The following SLC25A47 variants were observed in gnomAD, a reference collection of about 807,000 sequenced individuals.
The protein encoded by SLC25A47 is solute carrier family 25 member 47.
A neutral mutation model predicts 29.8 loss-of-function variants in SLC25A47; 30 were observed. That is an observed-to-expected ratio of 1.01 (90% CI 0.75 to 1.36). SLC25A47 has a LOEUF of 1.36. Among genes scored for constraint, SLC25A47 ranks in the 40% most tolerant of loss-of-function variants. The pLI, the probability that SLC25A47 is intolerant of heterozygous loss-of-function variation, is 0.00. For missense variants in SLC25A47, 430 were observed against 441.9 expected (o/e 0.97, Z 0.24); for synonymous variants, 204 against 197.8 (o/e 1.03, Z -0.26).
Position 100,327,313 on chromosome 14 carries a change from C to T in SLC25A47, c.270C>T (p.Asp90=), listed in dbSNP as rs763495716. 41 of 1,603,352 alleles carry T rather than the reference C, an allele frequency of 2.6e-5. No homozygotes were observed. In the South Asian group the frequency reaches 2.9e-4, roughly 11 times the overall value. ...HICRLRYGNP[D]AKPTKADITL... is the part of the protein sequence containing the mutation. ...GCCGGCTCCGGTACGGCAACCCTGA[C>T]GCCAAGCCCACCAAGGCCGACATCA... Residue 90 remains aspartate (D), a synonymous_variant, in exon 4 of 6, where the codon GAC becomes GAT. Transcript: ENST00000361529.
At chr14:100,325,715 T>G in intron 1 of SLC25A47, 73 bp from the exon 2 acceptor site, 1 of 1,514,814 alleles carries the variant, frequency 6.6e-7, no homozygotes, top group Non-Finnish European at 9.0e-7. Context: ...GCTCTGCTTC[T>G]GCTTCCCTGC....
At chr14:100,326,092 C>A in intron 2 of SLC25A47, 65 bp from the exon 3 acceptor site, 1 of 1,397,834 alleles carries the variant, frequency 7.2e-7, no homozygotes, top group South Asian at 1.2e-5. Context: ...TGCCCCTTCC[C>A]CAGGGCCTGC....
At chr14:100,323,918 G>A (rs1379121826) in intron 1 of SLC25A47, among the ~76,000 whole-genome samples, 1 of 152,190 alleles carries the variant, frequency 6.6e-6, no homozygotes, top group African/African-American at 2.4e-5. Flanking sequence ...CCTGCTGGGT[G>A]TGTGCACCTG....
In SLC25A47 at chr14:100,329,658, C is replaced by A. The variant is rs1468999391; in HGVS notation, c.*13C>A. The stretch of plus-strand genomic sequence containing the variant: ...TCTGCTCACATAGCCGGTCCCCACG[C>A]CCAGCGGCCCACCCACCAGCAGCTG... On this transcript the variant is annotated 3_prime_UTR_variant, in exon 6 of 6. Coordinates refer to ENST00000361529, the MANE Select transcript of SLC25A47 (RefSeq NM_207117.4). 1.3e-6 allele frequency: 2 copies of A among 1,594,000 alleles called. No homozygotes were observed. The highest frequency in any genetic ancestry group is 1.7e-6 in the Non-Finnish European group (2 of 1,169,086).
Position 100,327,252 on chromosome 14 carries a change from CT to C in SLC25A47, c.213del (p.Phe71LeufsTer42). On this transcript the variant is annotated frameshift_variant, in exon 4 of 6. Transcript: ENST00000361529. LOFTEE classifies it high-confidence loss of function. ...VCTVSLVSSV[S>X]FGTYRHCLAH... Reference sequence around the variant, plus strand: ...ACGGTGTCCCTGGTATCTTCCGTGTCTTTTGGCACCTACCGCCACTGCCTGG... The same window carrying C: ...ACGGTGTCCCTGGTATCTTCCGTGTCTTTGGCACCTACCGCCACTGCCTGG... The C allele has an allele frequency of 6.2e-7, 1 of 1,608,962 alleles. No homozygotes were observed. Among genetic ancestry groups the C allele is most frequent in the Non-Finnish European group, 8.5e-7 (1 of 1,179,962 alleles).
At chr14:100,324,543 C>T (rs934729756) in intron 1 of SLC25A47, among the ~76,000 whole-genome samples, 2 of 152,218 alleles carry the variant, frequency 1.3e-5, no homozygotes, top group African/African-American at 2.4e-5. Context: ...CAGCCTTTCT[C>T]AGCCCCAGCT....
Position 100,327,272 on chromosome 14 carries a change from T to C in SLC25A47, c.229T>C (p.Cys77Arg). ...CGTGTCTTTTGGCACCTACCGCCAC[T>C]GCCTGGCGCACATCTGCCGGCTCCG... ...SSVSFGTYRH[C>R]LAHICRLRYG... The change falls in exon 4 of 6, where the codon TGC (cysteine) becomes CGC (arginine). Residue 77 changes from cysteine to arginine, a missense_variant. By Grantham distance (180) the Cys-to-Arg change is radical. Coordinates refer to ENST00000361529, the MANE Select transcript of SLC25A47 (RefSeq NM_207117.4). 1 of 1,607,634 alleles carries C rather than the reference T, an allele frequency of 6.2e-7. No homozygotes were observed. Among genetic ancestry groups the C allele is most frequent in the African/African-American group, 1.3e-5 (1 of 75,058 alleles).
In SLC25A47 at chr14:100,329,375, C is replaced by T. The variant is rs749240751; in HGVS notation, c.657C>T (p.Gly219=). 88 of 1,601,672 alleles carry T rather than the reference C, an allele frequency of 5.5e-5. No homozygotes were observed. The highest frequency in any genetic ancestry group is 1.7e-4 in the Middle Eastern group (1 of 6,044). ...GTGGTCTCTCTGCAGATGTCCCGGG[C>T]GTGCTGGTGGCCGGGGGCTGTGCAG... ...PAGHSRPDVP[G]VLVAGGCAGV... is the part of the protein sequence containing the mutation. Residue 219 remains glycine, a synonymous_variant, in exon 6 of 6, where the codon GGC becomes GGT. Transcript: ENST00000361529.
chr14:100,327,003 T>C (rs1274489863), intron 3 of SLC25A47, among the ~76,000 whole-genome samples, 185 bp from the exon 4 acceptor site: 1 of 151,528 alleles, frequency 6.6e-6, no homozygotes, highest in African/African-American at 2.4e-5. Context: ...TTGGGCCTGG[T>C]CCTCTGGCTC....
chr14:100,327,110 G>C, intron 3 of SLC25A47, 78 bp from the exon 4 acceptor site: 1 of 1,410,002 alleles, frequency 7.1e-7, no homozygotes. Context: ...GGAGTGCGGA[G>C]CAGGGCTGAG....
intron 1 of SLC25A47, among the ~76,000 whole-genome samples, chr14:100,324,232 T>C (rs1178389090): frequency 1.3e-5 from 2 of 152,002 alleles, no homozygotes; most frequent in Non-Finnish European, 2.9e-5. Flanking sequence ...TTTTTCTTTT[T>C]TTTTTCCCTT....
intron 3 of SLC25A47, among the ~76,000 whole-genome samples, chr14:100,326,652 A>G (rs930198432): frequency 1.3e-5 from 2 of 152,312 alleles, no homozygotes; most frequent in South Asian, 2.1e-4. Context: ...AGTTTGTGAA[A>G]GCAGCAGTGG....
chr14:100,326,213 G>GT lies in SLC25A47; in HGVS notation c.130dup (p.Tyr44LeufsTer47), dbSNP rs778033509. On this transcript the variant is annotated frameshift_variant, in exon 3 of 6. Coordinates refer to ENST00000361529, the MANE Select transcript of SLC25A47 (RefSeq NM_207117.4). LOFTEE classifies it high-confidence loss of function. ...GCATCTGGCACTGCGTCCGGGATAC[G>GT]TATCACCGAGAGCGCGTAGGTCTGG... is the stretch of plus-strand genomic sequence containing the variant. 1.9e-6 allele frequency: 3 copies of GT among 1,613,728 alleles called. No homozygotes were observed. In the East Asian group the frequency reaches 6.7e-5, roughly 36 times the overall value.
At position 100,328,814 on chromosome 14, in the gene SLC25A47, C is replaced by T. The variant is rs201454370; in HGVS notation, c.416C>T (p.Ser139Leu). The T allele has an allele frequency of 9.9e-4, 1,604 of 1,612,812 alleles. 1 individual carries two copies. Among genetic ancestry groups the T allele is most frequent in the Admixed American group, 1.6e-3 (94 of 60,020 alleles). ...AAGCAGCAGCGGCGGCTTTCGGCCT[C>T]GGGGCCGTTGGCTGTGCCCCCCATG... Reference protein sequence around the residue: ...AQKQQRRLSASGPLAVPPMCP... With the variant: ...AQKQQRRLSALGPLAVPPMCP... The change falls in exon 5 of 6, where the codon TCG becomes TTG. Residue 139 changes from serine to leucine, a missense_variant. Ser to Leu is a moderately radical substitution (Grantham distance 145). Coordinates refer to ENST00000361529, the MANE Select transcript of SLC25A47 (RefSeq NM_207117.4).
Position 100,329,959 on chromosome 14 carries a change from G to A in SLC25A47, c.*314G>A, listed in dbSNP as rs755794540. On this transcript the variant is annotated 3_prime_UTR_variant, in exon 6 of 6. Coordinates refer to ENST00000361529, the MANE Select transcript of SLC25A47 (RefSeq NM_207117.4). ...TCATCCCAGCCTCCCCATGGCCCTC[G>A]CCTCCCATGTCTTTGAAGCACCCCT... 18 of 407,110 alleles carry A rather than the reference G, an allele frequency of 4.4e-5. No homozygotes were observed. Among genetic ancestry groups the A allele is most frequent in the Non-Finnish European group, 7.7e-5 (17 of 221,840 alleles). 25.2% of individuals were successfully genotyped at this position (407,110 alleles called of 1,614,324 possible).
intron 3 of SLC25A47, 39 bp from the exon 4 acceptor site, chr14:100,327,149 C>CT: frequency 6.5e-7 from 1 of 1,547,904 alleles, no homozygotes. Context: ...GCTCCTCCTC[C>CT]TGGCGGGGCC....
intron 3 of SLC25A47, among the ~76,000 whole-genome samples, chr14:100,326,432 C>T (rs1488609696): frequency 6.6e-6 from 1 of 152,188 alleles, no homozygotes; most frequent in Non-Finnish European, 1.5e-5. Flanking sequence ...AAGGAGGTTC[C>T]CACCTCCAGC....
Position 100,328,935 on chromosome 14 carries a change from C to A in SLC25A47, c.537C>A (p.Tyr179Ter). The A allele has an allele frequency of 6.2e-7, 1 of 1,606,948 alleles. No homozygotes were observed. Among genetic ancestry groups the A allele is most frequent in the African/African-American group, 1.3e-5 (1 of 75,062 alleles). The change falls in exon 5 of 6, where the codon TAC becomes TAA. Residue 179 changes from tyrosine (Y) to a stop codon, truncating the protein, a stop_gained. Transcript: ENST00000361529. LOFTEE classifies it high-confidence loss of function. Reference sequence around the variant, plus strand: ...GTGAGGAGGGGCTGTGCGGCCTCTACAAGGGCAGCTCGGCCCTGGTCTTAC... The same window carrying A: ...GTGAGGAGGGGCTGTGCGGCCTCTAAAAGGGCAGCTCGGCCCTGGTCTTAC... ...VAREEGLCGLYKGSSALVLRD... is the reference protein window; with the variant it reads ...VAREEGLCGL
At position 100,328,956 on chromosome 14, in the gene SLC25A47, C is replaced by G. The variant is rs1429357257; in HGVS notation, c.558C>G (p.Val186=). The part of the protein sequence containing the change: ...CGLYKGSSAL[V]LRDGHSFATY... Reference sequence around the variant, plus strand: ...TCTACAAGGGCAGCTCGGCCCTGGTCTTACGGGACGGCCACTCCTTTGCCA... The same window carrying G: ...TCTACAAGGGCAGCTCGGCCCTGGTGTTACGGGACGGCCACTCCTTTGCCA... Residue 186 remains valine, a synonymous_variant, in exon 5 of 6, where the codon GTC becomes GTG. Transcript: ENST00000361529. 1.2e-6 allele frequency: 2 copies of G among 1,603,782 alleles called. No homozygotes were observed. The highest frequency in any genetic ancestry group is 2.7e-5 in the African/African-American group (2 of 74,938).
Sources: allele counts gnomAD v4.1 joint callset (sites outside exome capture counted in the v4.1 genomes callset), GRCh38; gene constraint gnomAD v4.1.1; transcripts MANE v1.5; gene names NCBI Gene and HGNC (gene_info 2026-07-23, HGNC 2026-07-21).